Variants in TCF7L2 observed in about 807,000 individuals in gnomAD.
TCF7L2 encodes transcription factor 7-like 2.
TCF7L2 carries 23 observed loss-of-function variants against 77.9 expected under a neutral mutation model. The ratio of observed to expected loss-of-function variants is 0.30; its 90% confidence interval spans 0.21 to 0.42. The LOEUF (loss-of-function observed/expected upper bound fraction) is 0.42, where lower values mean the gene tolerates loss of function less well. Among genes scored for constraint, TCF7L2 ranks in the 10% least tolerant of loss-of-function variants. The pLI, the probability that TCF7L2 is intolerant of heterozygous loss-of-function variation, is 1.00. For synonymous variants in TCF7L2, 413 were observed against 340.2 expected, an observed-to-expected ratio of 1.21 and a Z score of -2.36; for missense variants, 654 against 793.1, an observed-to-expected ratio of 0.82 and a Z score of 2.11.
intron 5 of TCF7L2, among the ~76,000 whole-genome samples, chr10:113,127,404 C>T (rs544300746): frequency 6.6e-6 from 1 of 152,152 alleles, no homozygotes; most frequent in South Asian, 2.1e-4. Flanking sequence ...CCTTCTTGAA[C>T]CTCTTTATTT....
At chr10:113,106,399 C>T (rs1349470120) in intron 5 of TCF7L2, among the ~76,000 whole-genome samples, 2 of 152,220 alleles carry the variant, frequency 1.3e-5, no homozygotes, top group Non-Finnish European at 2.9e-5. Flanking sequence ...TCCTCTTTCC[C>T]CTCGGCCACC....
intron 4 of TCF7L2, among the ~76,000 whole-genome samples, chr10:113,027,224 G>A (rs767422637): frequency 5.3e-5 from 8 of 152,234 alleles, no homozygotes; most frequent in South Asian, 2.1e-4. Context: ...TTTGGTTCTT[G>A]CAGAAAGTTA....
intron 3 of TCF7L2, among the ~76,000 whole-genome samples, chr10:112,963,122 C>A (rs2035723753): frequency 6.6e-6 from 1 of 151,976 alleles, no homozygotes; most frequent in South Asian, 2.1e-4. Flanking sequence ...GTAATGTTTT[C>A]TATTTGTTTA....
intron 10 of TCF7L2, 87 bp from the exon 11 acceptor site, chr10:113,152,246 C>T (rs2137172260): frequency 8.5e-7 from 1 of 1,179,848 alleles, no homozygotes; most frequent in Non-Finnish European, 1.3e-6. Context: ...CATTATTTAT[C>T]CCCTGACCTT....
intron 4 of TCF7L2, among the ~76,000 whole-genome samples, chr10:113,032,329 G>A (rs535601811): frequency 3.9e-5 from 6 of 152,298 alleles, no homozygotes; most frequent in African/African-American, 1.4e-4. Flanking sequence ...AAGGATTGGC[G>A]GGTTAAAGAA....
chr10:113,089,057 A>G (rs762946843), intron 5 of TCF7L2, among the ~76,000 whole-genome samples: 1 of 152,168 alleles, frequency 6.6e-6, no homozygotes, highest in Non-Finnish European at 1.5e-5. Flanking sequence ...TAGATTCAGT[A>G]AGGTAAGTTG....
chr10:113,152,188 G>T (rs1300082996), intron 10 of TCF7L2, 145 bp from the exon 11 acceptor site: 8 of 842,828 alleles, frequency 9.5e-6, no homozygotes, highest in Non-Finnish European at 1.6e-5. Context: ...CCGACGGTCA[G>T]TATGTACAGA....
intron 5 of TCF7L2, among the ~76,000 whole-genome samples, chr10:113,068,195 T>C (rs2057498821): frequency 6.6e-6 from 1 of 152,218 alleles, no homozygotes; most frequent in African/African-American, 2.4e-5. Flanking sequence ...TTCAAAAAAG[T>C]GGCTAATGAA....
chr10:112,952,124 G>C (rs10885397), intron 3 of TCF7L2, among the ~76,000 whole-genome samples: 1 of 152,242 alleles, frequency 6.6e-6, no homozygotes, highest in East Asian at 1.9e-4. Context: ...CCCGATGCGC[G>C]GGGTAGAGAG....
chr10:113,070,513 A>T (rs2057862354), intron 5 of TCF7L2, among the ~76,000 whole-genome samples: 1 of 151,994 alleles, frequency 6.6e-6, no homozygotes, highest in South Asian at 2.1e-4. Flanking sequence ...GCTTTCCCAT[A>T]AAGGAGAGCC....
chr10:113,096,154 C>G (rs539885206), intron 5 of TCF7L2, among the ~76,000 whole-genome samples: 1 of 152,116 alleles, frequency 6.6e-6, no homozygotes, highest in Non-Finnish European at 1.5e-5. Context: ...GCAGTTAGCA[C>G]TTAGGGAGAG....
At chr10:113,075,231 G>C (rs1265021557) in intron 5 of TCF7L2, among the ~76,000 whole-genome samples, 1 of 152,146 alleles carries the variant, frequency 6.6e-6, no homozygotes, top group Non-Finnish European at 1.5e-5. Context: ...GGCAGAGGCG[G>C]GCAGATCACC....
intron 5 of TCF7L2, among the ~76,000 whole-genome samples, chr10:113,103,998 A>T (rs2061969863): frequency 6.6e-6 from 1 of 152,128 alleles, no homozygotes; most frequent in African/African-American, 2.4e-5. Context: ...GTGGGAATAA[A>T]ATCGGTGCCC....
chr10:113,103,083 T>C (rs1350501132), intron 5 of TCF7L2, among the ~76,000 whole-genome samples: 1 of 151,740 alleles, frequency 6.6e-6, no homozygotes, highest in African/African-American at 2.4e-5. Flanking sequence ...TGGTGCAGAC[T>C]TTTTTTTTCT....
intron 4 of TCF7L2, among the ~76,000 whole-genome samples, chr10:113,037,110 T>G (rs2051428960): frequency 6.6e-6 from 1 of 152,230 alleles, no homozygotes; most frequent in Non-Finnish European, 1.5e-5. Flanking sequence ...TTATTTATTT[T>G]CCCTATTAAT....
chr10:112,962,657 G>A (rs552996435), intron 3 of TCF7L2, among the ~76,000 whole-genome samples: 7 of 152,240 alleles, frequency 4.6e-5, no homozygotes, highest in East Asian at 3.9e-4. Flanking sequence ...GGAGTGCAGC[G>A]ATAAGGTCTT....
At chr10:112,995,324 A>G (rs2043272986) in intron 4 of TCF7L2, among the ~76,000 whole-genome samples, 1 of 152,138 alleles carries the variant, frequency 6.6e-6, no homozygotes, top group Non-Finnish European at 1.5e-5. Flanking sequence ...ATCATTACCC[A>G]CAGAGGCCAT....
intron 13 of TCF7L2, among the ~76,000 whole-genome samples, chr10:113,163,832 C>T (rs2073591795): frequency 6.6e-6 from 1 of 152,148 alleles, no homozygotes; most frequent in African/African-American, 2.4e-5. Flanking sequence ...CACCCCTCCC[C>T]TCCTTCCCTG....
chr10:113,163,051 C>G (rs560355211), intron 13 of TCF7L2, among the ~76,000 whole-genome samples: 2 of 151,854 alleles, frequency 1.3e-5, no homozygotes, highest in African/African-American at 4.8e-5. Context: ...AGTTGCCAAC[C>G]GAGGCATTTT....
Sources: allele counts gnomAD v4.1 joint callset (sites outside exome capture counted in the v4.1 genomes callset), GRCh38; gene constraint gnomAD v4.1.1; transcripts MANE v1.5; gene names NCBI Gene and HGNC (gene_info 2026-07-23, HGNC 2026-07-21).